CSMD2: variants seen among roughly 807,000 people sequenced by gnomAD.
CSMD2 encodes CUB and Sushi multiple domains 2.
In CSMD2, 130 loss-of-function variants were observed where a neutral mutation model predicts 398.5. The ratio of observed to expected loss-of-function variants is 0.33; its 90% CI spans 0.28 to 0.38. CSMD2 has a LOEUF of 0.38. CSMD2 is among the 10% of genes least tolerant of loss of function. CSMD2 has a pLI of 1.00. For synonymous variants in CSMD2, 1,828 were observed against 1,908.5 expected, an observed-to-expected ratio of 0.96 and a Z score of 1.10; for missense variants, 3,829 against 4,764.9, an observed-to-expected ratio of 0.80 and a Z score of 5.78.
chr1:33,782,367 C>T (rs916198602), intron 12 of CSMD2, among the ~76,000 whole-genome samples: 7 of 152,152 alleles, frequency 4.6e-5, no homozygotes, highest in African/African-American at 1.7e-4. Context: ...TCCAACTGAG[C>T]ATTTACTAAA....
rs565542444 is a variant in CSMD2, at chr1:33,652,319, A to T, written c.4586+4T>A. ...CGTCTCCCACCCGGGGGAAAGGTACATACATGTTAAATACCAGGGCGATGA... is the reference window on the plus strand; with the variant it reads ...CGTCTCCCACCCGGGGGAAAGGTACTTACATGTTAAATACCAGGGCGATGA... On this transcript the variant is annotated splice_donor_region_variant and intron_variant, in intron 28 of 70. Coordinates refer to ENST00000373381, the MANE Select transcript of CSMD2 (RefSeq NM_001281956.2). The T allele has an allele frequency of 6.2e-7, 1 of 1,614,092 alleles. No individual in the cohort carries two copies. Among genetic ancestry groups the T allele is most frequent in the Non-Finnish European group, 8.5e-7 (1 of 1,179,968 alleles).
At chr1:33,971,675 G>C (rs1645774728) in intron 3 of CSMD2, among the ~76,000 whole-genome samples, 1 of 152,336 alleles carries the variant, frequency 6.6e-6, no homozygotes, top group African/African-American at 2.4e-5. Flanking sequence ...GCAAGCTTGG[G>C]AGGGTCATGT....
intron 48 of CSMD2, among the ~76,000 whole-genome samples, 167 bp from the exon 49 acceptor site, chr1:33,577,651 A>C (rs1638379017): frequency 6.6e-6 from 1 of 152,214 alleles, no homozygotes; most frequent in South Asian, 2.1e-4. Context: ...AAAAACACCC[A>C]GTCAGGTTGG....
At chr1:33,540,229 G>A (rs1656199195) in intron 60 of CSMD2, among the ~76,000 whole-genome samples, 1 of 151,432 alleles carries the variant, frequency 6.6e-6, no homozygotes, top group African/African-American at 2.4e-5. Context: ...TCAGATCTTG[G>A]AGTACTATTC....
At chr1:33,689,758 A>G (rs1449155387) in intron 25 of CSMD2, among the ~76,000 whole-genome samples, 1 of 152,218 alleles carries the variant, frequency 6.6e-6, no homozygotes, top group African/African-American at 2.4e-5. Context: ...GCATCTAGAA[A>G]TGAAGTATCA....
chr1:33,571,430 G>T, intron 51 of CSMD2, 102 bp downstream of exon 51: 1 of 858,294 alleles, frequency 1.2e-6, no homozygotes, highest in Non-Finnish European at 1.6e-6. Flanking sequence ...TGCAATCCCT[G>T]GTGATACCCC....
chr1:33,611,162 C>A lies in CSMD2; in HGVS notation c.6222G>T (p.Met2074Ile), dbSNP rs375268880. 1.9e-6 allele frequency: 3 copies of A among 1,613,960 alleles called. No homozygotes were observed. Among genetic ancestry groups the A allele is most frequent in the African/African-American group, 1.3e-5 (1 of 74,892 alleles). ...IRNGPYETSR[M>I]MGRFSGSELP... is the part of the protein sequence containing the mutation. Reference sequence around the variant, plus strand: ...GCTCGCTTCCACTGAATCTTCCCATCATGCGGCTGGTCTCATAGGGGCCAT... The same window carrying A: ...GCTCGCTTCCACTGAATCTTCCCATAATGCGGCTGGTCTCATAGGGGCCAT... Residue 2074 changes from methionine to isoleucine, a missense_variant, in exon 41 of 71, where the codon ATG becomes ATT. Physicochemically the swap from Met to Ile is conservative, Grantham distance 10. Around this residue, in one of 5 missense-constraint regions of CSMD2, gnomAD observed 2,001 missense variants for 2,567.1 expected, o/e 0.78. Transcript: ENST00000373381.
intron 3 of CSMD2, among the ~76,000 whole-genome samples, chr1:33,961,384 T>TC (rs1645353785): frequency 6.6e-6 from 1 of 152,108 alleles, no homozygotes; most frequent in African/African-American, 2.4e-5. Context: ...GGGACAGGAG[T>TC]CTTCTGGCCT....
intron 15 of CSMD2, among the ~76,000 whole-genome samples, chr1:33,733,363 A>G (rs2149228096): frequency 6.6e-6 from 1 of 152,344 alleles, no homozygotes; most frequent in East Asian, 1.9e-4. Flanking sequence ...GGAGGTTAAA[A>G]GTGATGATTC....
intron 2 of CSMD2, among the ~76,000 whole-genome samples, chr1:34,081,404 C>T: frequency 6.6e-6 from 1 of 151,278 alleles, no homozygotes; most frequent in African/African-American, 2.4e-5. Flanking sequence ...CCCTCTCCTT[C>T]CCCCTCCCCC....
chr1:33,950,486 T>C (rs952417543), intron 3 of CSMD2, among the ~76,000 whole-genome samples: 37 of 152,166 alleles, frequency 2.4e-4, no homozygotes, highest in African/African-American at 8.9e-4. Context: ...TGTGTCTATA[T>C]ATGCATGTAA....
chr1:34,012,858 C>T (rs1405110387), intron 3 of CSMD2, among the ~76,000 whole-genome samples: 1 of 152,174 alleles, frequency 6.6e-6, no homozygotes, highest in African/African-American at 2.4e-5. Context: ...TAACCAAGTC[C>T]CATACAGCTT....
At chr1:33,941,168 T>C (rs1644659451) in intron 3 of CSMD2, among the ~76,000 whole-genome samples, 1 of 152,162 alleles carries the variant, frequency 6.6e-6, no homozygotes, top group African/African-American at 2.4e-5. Context: ...CCATTGTAGA[T>C]TAGCTGTGGG....
At chr1:33,793,344 C>T (rs1052696184) in intron 10 of CSMD2, among the ~76,000 whole-genome samples, 5 of 152,078 alleles carry the variant, frequency 3.3e-5, no homozygotes, top group Non-Finnish European at 5.9e-5. Flanking sequence ...GAGGGGGATG[C>T]TCTGGGAAGG....
At chr1:33,904,444 A>G (rs898820677) in intron 5 of CSMD2, among the ~76,000 whole-genome samples, 7 of 152,218 alleles carry the variant, frequency 4.6e-5, no homozygotes, top group African/African-American at 1.7e-4. Flanking sequence ...TCAGCCTTAA[A>G]AAGAAATGAC....
intron 10 of CSMD2, among the ~76,000 whole-genome samples, chr1:33,800,966 G>A (rs1478506065): frequency 7.0e-6 from 1 of 142,258 alleles, no homozygotes; most frequent in Admixed American, 7.5e-5. Context: ...TTTGCTGAAT[G>A]AATAAGTGAG....
chr1:33,709,320 C>G, intron 21 of CSMD2, 62 bp from the exon 22 acceptor site: 1 of 1,450,926 alleles, frequency 6.9e-7, no homozygotes, highest in Non-Finnish European at 9.4e-7. Context: ...GAAAGCAACT[C>G]ACAGCTCTGA....
chr1:34,087,844 A>G (rs951621056), intron 2 of CSMD2, among the ~76,000 whole-genome samples: 1 of 152,066 alleles, frequency 6.6e-6, no homozygotes, highest in Non-Finnish European at 1.5e-5. Flanking sequence ...TACCCATGAA[A>G]TATTTGTGGA....
At chr1:34,004,047 C>T (rs892834971) in intron 3 of CSMD2, among the ~76,000 whole-genome samples, 2 of 152,174 alleles carry the variant, frequency 1.3e-5, no homozygotes, top group African/African-American at 2.4e-5. Context: ...TCCCTTAGTC[C>T]GCTGGGATTT....
Sources: allele counts gnomAD v4.1 joint callset (sites outside exome capture counted in the v4.1 genomes callset), GRCh38; gene constraint gnomAD v4.1.1; regional missense constraint gnomAD v4.1.1; transcripts MANE v1.5; gene names NCBI Gene and HGNC (gene_info 2026-07-23, HGNC 2026-07-21).